The following TENM1 variants were observed in gnomAD, a reference collection of about 807,000 sequenced individuals.
TENM1 encodes the protein teneurin transmembrane protein 1.
Under a neutral mutation model 174.8 loss-of-function variants are expected in TENM1, and 35 were observed. The ratio of observed to expected loss-of-function variants is 0.20; its 90% CI spans 0.15 to 0.27. TENM1 has a LOEUF of 0.27. Among genes scored for constraint, TENM1 ranks in the 10% least tolerant of loss-of-function variants. The pLI, the probability that TENM1 is intolerant of heterozygous loss-of-function variation, is 1.00. For missense variants in TENM1, 1,633 were observed against 2,130.1 expected (o/e 0.77, Z 4.59); for synonymous variants, 781 against 798.7 (o/e 0.98, Z 0.37).
chrX:124,955,695 A>G (rs2058560800), intron 1 of TENM1, among the ~76,000 whole-genome samples: 1 of 110,780 alleles, frequency 9.0e-6, no homozygotes, highest in South Asian at 3.9e-4. Flanking sequence ...GGATTTTGAT[A>G]GGGATTACAT....
the TENM1 span, among the ~76,000 whole-genome samples, chrX:125,170,754 A>C: frequency 1.8e-5 from 2 of 111,149 alleles, no homozygotes; most frequent in African/African-American, 6.5e-5. Context: ...ATAAGCTAAA[A>C]ACCTTATTAC....
chrX:124,463,865 GTGTGTGTGTGTGGA>G (rs2147879082), intron 22 of TENM1, among the ~76,000 whole-genome samples: 1 of 106,956 alleles, frequency 9.3e-6, no homozygotes, highest in African/African-American at 3.4e-5. Context: ...GTGTGTGTGT[GTGTGTGTGTGTGGA>G]GAGAGAGAGA....
the TENM1 span, among the ~76,000 whole-genome samples, chrX:125,023,150 G>A: frequency 9.0e-6 from 1 of 111,394 alleles, no homozygotes; most frequent in Non-Finnish European, 1.9e-5. Flanking sequence ...ATCCCCAGGT[G>A]TTGTGGAGAT....
chrX:124,715,834 T>A (rs1036706483), intron 4 of TENM1, among the ~76,000 whole-genome samples: 8 of 110,773 alleles, frequency 7.2e-5, no homozygotes, highest in Non-Finnish European at 1.5e-4. Flanking sequence ...TATGAGCCAG[T>A]TGACATGGTA....
At chrX:124,870,577 C>T (rs2057091600) in intron 3 of TENM1, among the ~76,000 whole-genome samples, 1 of 110,555 alleles carries the variant, frequency 9.0e-6, no homozygotes, top group African/African-American at 3.3e-5. Context: ...TGAAAACATG[C>T]AATACTTGGA....
At chrX:124,661,326 A>G (rs966972034) in intron 6 of TENM1, among the ~76,000 whole-genome samples, 1 of 112,292 alleles carries the variant, frequency 8.9e-6, no homozygotes, top group African/African-American at 3.2e-5. Context: ...TATATAAACT[A>G]TATCTCAATA....
chrX:124,786,047 C>A (rs1319024637), intron 3 of TENM1, among the ~76,000 whole-genome samples: 1 of 111,059 alleles, frequency 9.0e-6, no homozygotes, highest in African/African-American at 3.3e-5. Context: ...TACATATATA[C>A]AATTTTTTGG....
the TENM1 span, among the ~76,000 whole-genome samples, chrX:124,986,642 T>C: frequency 9.1e-6 from 1 of 110,335 alleles, no homozygotes; most frequent in African/African-American, 3.3e-5. Flanking sequence ...TTTTGTTTGT[T>C]TGTTTGTTTG....
intron 3 of TENM1, among the ~76,000 whole-genome samples, chrX:124,857,142 G>A (rs982960518): frequency 1.8e-5 from 2 of 110,867 alleles, no homozygotes; most frequent in African/African-American, 6.5e-5. Flanking sequence ...ATTTTTCTTA[G>A]GACCACAGAT....
the TENM1 span, among the ~76,000 whole-genome samples, chrX:125,173,176 A>G: frequency 9.0e-6 from 1 of 111,559 alleles, no homozygotes; most frequent in African/African-American, 3.3e-5. Flanking sequence ...ATGAAAACAC[A>G]TTTCACCCTA....
the TENM1 span, among the ~76,000 whole-genome samples, chrX:125,180,589 T>A: frequency 3.7e-5 from 4 of 108,380 alleles, no homozygotes; most frequent in Admixed American, 9.9e-5. Context: ...GTTTCAGGAG[T>A]TGCCCTTAAG....
chrX:124,617,824 T>C (rs1250266719), intron 11 of TENM1, among the ~76,000 whole-genome samples: 1 of 111,520 alleles, frequency 9.0e-6, no homozygotes, highest in African/African-American at 3.3e-5. Context: ...TAAGAAATAC[T>C]GAGATTCCGG....
At chrX:125,182,389 T>C in the TENM1 span, among the ~76,000 whole-genome samples, 2 of 98,115 alleles carry the variant, frequency 2.0e-5, no homozygotes, top group Non-Finnish European at 4.0e-5. Flanking sequence ...CTCTTTGTCA[T>C]GTTCACATGA....
At chrX:124,633,977 T>C (rs1047338316) in intron 11 of TENM1, among the ~76,000 whole-genome samples, 5 of 112,190 alleles carry the variant, frequency 4.5e-5, no homozygotes, top group African/African-American at 9.7e-5. Context: ...ATAGCTACCA[T>C]GTTTTATGCA....
chrX:125,072,534 G>T, the TENM1 span, among the ~76,000 whole-genome samples: 1 of 111,047 alleles, frequency 9.0e-6, no homozygotes, highest in Non-Finnish European at 1.9e-5. Context: ...TAAATGAATT[G>T]TCCACACAGG....
chrX:125,051,541 A>G, the TENM1 span, among the ~76,000 whole-genome samples: 123 of 110,634 alleles, frequency 1.1e-3, 1 homozygote, highest in Middle Eastern at 9.2e-3. Flanking sequence ...ATAACGCTGT[A>G]TATCTACAAC....
the TENM1 span, among the ~76,000 whole-genome samples, chrX:125,036,458 G>A: frequency 9.0e-5 from 10 of 111,659 alleles, no homozygotes; most frequent in Non-Finnish European, 1.9e-5. Flanking sequence ...GAGACATAAA[G>A]ACAAAGACTG....
At chrX:124,849,791 T>C in intron 3 of TENM1, among the ~76,000 whole-genome samples, 1 of 112,097 alleles carries the variant, frequency 8.9e-6, no homozygotes. Flanking sequence ...GAAAAACTAA[T>C]ACAAGTACCT....
chrX:124,841,318 G>A (rs1346448121), intron 3 of TENM1, among the ~76,000 whole-genome samples: 3 of 111,715 alleles, frequency 2.7e-5, no homozygotes, highest in Non-Finnish European at 5.7e-5. Context: ...GGGAGCAAAT[G>A]GATCAGCAAT....
Sources: allele counts gnomAD v4.1 joint callset (sites outside exome capture counted in the v4.1 genomes callset), GRCh38; gene constraint gnomAD v4.1.1; transcripts MANE v1.5; gene names NCBI Gene and HGNC (gene_info 2026-07-23, HGNC 2026-07-21).